ERP27: variants seen among roughly 807,000 people sequenced by gnomAD.
The protein encoded by ERP27 is endoplasmic reticulum protein 27.
In ERP27, 23 loss-of-function variants were observed where a neutral mutation model predicts 27.7. The observed-to-expected ratio is 0.83, with a 90% CI of 0.60 to 1.18. ERP27 has a LOEUF of 1.18. ERP27 is among the 50% of genes most tolerant of loss of function. The pLI, the probability that ERP27 is intolerant of heterozygous loss-of-function variation, is 0.00. For synonymous variants in ERP27, 159 were observed against 118.3 expected, an observed-to-expected ratio of 1.34 and a Z score of -2.23; for missense variants, 363 against 327.9, an observed-to-expected ratio of 1.11 and a Z score of -0.83.
At chr12:14,922,841 C>T (rs963829704) in intron 3 of ERP27, among the ~76,000 whole-genome samples, 7 of 152,058 alleles carry the variant, frequency 4.6e-5, no homozygotes, top group African/African-American at 1.7e-4. Flanking sequence ...TTTGAGAGGC[C>T]GAGGCCAGCG....
chr12:14,926,452 G>A (rs1341722733), intron 3 of ERP27, among the ~76,000 whole-genome samples: 2 of 152,276 alleles, frequency 1.3e-5, no homozygotes, highest in African/African-American at 2.4e-5. Flanking sequence ...AATTACTGGT[G>A]TATTTAATTA....
At chr12:14,916,405 A>G (rs1863412421) in intron 5 of ERP27, among the ~76,000 whole-genome samples, 1 of 152,152 alleles carries the variant, frequency 6.6e-6, no homozygotes, top group South Asian at 2.1e-4. Context: ...CAGTTTTCTC[A>G]TTGGCAAAAT....
intron 2 of ERP27, among the ~76,000 whole-genome samples, chr12:14,937,098 C>T (rs1863784468): frequency 6.6e-6 from 1 of 152,196 alleles, no homozygotes; most frequent in Non-Finnish European, 1.5e-5. Flanking sequence ...TTGCCCCTTC[C>T]CCATCTTTCT....
chr12:14,915,607 A>T lies in ERP27; in HGVS notation c.656T>A (p.Leu219Gln), dbSNP rs1267219905. The change falls in exon 6 of 7, where the codon CTG becomes CAG. Residue 219 changes from leucine (L) to glutamine (Q), a missense_variant. Transcript: ENST00000266397. ...AGTCTGGTAAATTGCCAAAGCTGGCAGTTGAGACTCCTTTAGTTTGAAAAA... is the reference window on the plus strand; with the variant it reads ...AGTCTGGTAAATTGCCAAAGCTGGCTGTTGAGACTCCTTTAGTTTGAAAAA... ...ISFFKLKESQLPALAIYQTLD... is the reference protein window; with the variant it reads ...ISFFKLKESQQPALAIYQTLD... 1.2e-6 allele frequency: 2 copies of T among 1,614,104 alleles called. No homozygotes were observed. The highest frequency in any genetic ancestry group is 1.7e-6 in the Non-Finnish European group (2 of 1,180,038).
intron 3 of ERP27, among the ~76,000 whole-genome samples, chr12:14,932,081 A>G (rs1863705671): frequency 6.6e-6 from 1 of 152,132 alleles, no homozygotes; most frequent in African/African-American, 2.4e-5. Flanking sequence ...TTTGGAGGTG[A>G]GTTTAGTTCC....
chr12:14,915,887 A>C, intron 5 of ERP27: 2 of 579,120 alleles, frequency 3.5e-6, no homozygotes, highest in South Asian at 2.3e-5. Flanking sequence ...ATGGGGCTGG[A>C]GGCTATTATC....
At position 14,914,579 on chromosome 12, in the gene ERP27, C is replaced by CGT. The variant is rs72336404; in HGVS notation, c.*154_*155dup. The CGT allele has an allele frequency of 0.032, 14,772 of 468,082 alleles. 760 individuals carry two copies. Among genetic ancestry groups the CGT allele is most frequent in the African/African-American group, 0.18 (8,078 of 45,634 alleles). 29.0% of individuals were successfully genotyped at this position (468,082 alleles called of 1,614,324 possible). A position where few individuals can be genotyped will look rare whatever the true frequency, so the allele number is the denominator to read the frequency against. ...AGCTCTGTGTGTGTGTGTGTGTGTG[C>CGT]GTGTGTGTGTGCACGCGTGCGTGCG... On this transcript the variant is annotated 3_prime_UTR_variant, in exon 7 of 7. Coordinates refer to ENST00000266397, the MANE Select transcript of ERP27 (RefSeq NM_152321.4).
chr12:14,935,120 T>G, intron 2 of ERP27, 127 bp from the exon 3 acceptor site: 1 of 1,469,626 alleles, frequency 6.8e-7, no homozygotes, highest in Non-Finnish European at 9.0e-7. Flanking sequence ...CAGTAACACA[T>G]GATTTACCCC....
Position 14,938,034 on chromosome 12 carries a change from T to C in ERP27, c.113A>G (p.Gln38Arg), listed in dbSNP as rs758497257. 6 of 1,613,984 alleles carry C rather than the reference T, an allele frequency of 3.7e-6. No homozygotes were observed. Among genetic ancestry groups the C allele is most frequent in the Admixed American group, 1.7e-5 (1 of 60,002 alleles). Reference sequence around the variant, plus strand: ...GACATCTGTGAGCCACGTGGGTTCCTGGGCAGCACCAGGACCATCTAGAGA... The same window carrying C: ...GACATCTGTGAGCCACGTGGGTTCCCGGGCAGCACCAGGACCATCTAGAGA... ...EKSSDGPGAA[Q>R]EPTWLTDVPA... Residue 38 changes from glutamine (Q) to arginine (R), a missense_variant, in exon 2 of 7, where the codon CAG becomes CGG. Physicochemically the swap from Gln to Arg is conservative, Grantham distance 43. Coordinates refer to ENST00000266397, the MANE Select transcript of ERP27 (RefSeq NM_152321.4).
chr12:14,937,909 G>T lies in ERP27; in HGVS notation c.195+43C>A, dbSNP rs1427574870. ...TGGCTGCTGTGGTTCCCTTAAGGTA[G>T]AACATTTCTGGCTCTTGGGGGAATT... is the stretch of plus-strand genomic sequence containing the variant. On this transcript the variant is annotated intron_variant, in intron 2 of 6. Transcript: ENST00000266397. The T allele has an allele frequency of 4.5e-6, 7 of 1,564,928 alleles. No homozygotes were observed. The Admixed American group carries it at 6.7e-5, about 15-fold the overall frequency.
rs762653820 is a variant in ERP27, at chr12:14,934,951, G to A, written c.238C>T (p.Gln80Ter). ...PAVPILHSMV[Q>*]KFPGVSFGIS... ...CCAAATGACACGCCTGGGAATTTTT[G>A]CACCATGCTATGGAGTATGGGCACT... The change falls in exon 3 of 7, where the codon CAA (glutamine) becomes TAA (stop). Residue 80 changes from glutamine (Q) to a stop codon, truncating the protein, a stop_gained. Transcript: ENST00000266397. LOFTEE classifies it high-confidence loss of function. 1.2e-6 allele frequency: 2 copies of A among 1,614,118 alleles called. No individual in the cohort carries two copies. The highest frequency in any genetic ancestry group is 1.3e-5 in the African/African-American group (1 of 75,010).
intron 3 of ERP27, among the ~76,000 whole-genome samples, chr12:14,924,724 T>C (rs907765552): frequency 1.3e-5 from 2 of 152,160 alleles, no homozygotes; most frequent in African/African-American, 4.8e-5. Context: ...CCATCTTGAA[T>C]AGGGGATAGG....
At chr12:14,935,034 G>T (rs761016500) in intron 2 of ERP27, 41 bp from the exon 3 acceptor site, 1 of 1,596,494 alleles carries the variant, frequency 6.3e-7, no homozygotes, top group Non-Finnish European at 8.5e-7. Flanking sequence ...TGGTTATTTC[G>T]AAGGGCAGAG....
intron 3 of ERP27, among the ~76,000 whole-genome samples, chr12:14,929,874 A>C (rs1239832668): frequency 6.6e-6 from 1 of 152,180 alleles, no homozygotes; most frequent in Non-Finnish European, 1.5e-5. Flanking sequence ...CTGAGAAATC[A>C]TTTGTTAAAC....
At position 14,927,347 on chromosome 12, in the gene ERP27, GTA is replaced by G. The variant is rs371031188; in HGVS notation, c.334-6301_334-6300del. Among the ~76,000 whole-genome samples, 625 of 149,642 alleles carry G rather than the reference GTA, an allele frequency of 4.2e-3. 5 individuals are homozygous for G. Among genetic ancestry groups the G allele is most frequent in the Non-Finnish European group, 5.3e-3 (355 of 67,244 alleles). ...TGCGTGTGTGCATGTGTGTGTGTGT[GTA>G]TATATATATATATATCTAAAATCAC... On this transcript the variant is annotated intron_variant, in intron 3 of 6. Transcript: ENST00000266397.
intron 1 of ERP27, 52 bp from the exon 2 acceptor site, chr12:14,938,104 C>A: frequency 6.9e-7 from 1 of 1,449,306 alleles, no homozygotes; most frequent in Non-Finnish European, 9.7e-7. Context: ...AGAAGCAGCT[C>A]TAAATAATGA....
intron 3 of ERP27, 47 bp from the exon 4 acceptor site, chr12:14,921,095 A>G (rs762996201): frequency 4.0e-6 from 6 of 1,504,446 alleles, no homozygotes; most frequent in Non-Finnish European, 5.5e-6. Flanking sequence ...TCTTTTTTTC[A>G]TGTATTGATA....
At chr12:14,917,349 T>C in intron 4 of ERP27, 46 bp from the exon 5 acceptor site, 1 of 1,613,322 alleles carries the variant, frequency 6.2e-7, no homozygotes, top group South Asian at 1.1e-5. Context: ...CGAGAAAGAA[T>C]GCATTAGTAC....
At chr12:14,919,329 T>C (rs1021222356) in intron 4 of ERP27, among the ~76,000 whole-genome samples, 4 of 152,198 alleles carry the variant, frequency 2.6e-5, no homozygotes, top group Non-Finnish European at 1.5e-5. Context: ...ACGTCATTGC[T>C]CTGCGAAATG....
Sources: allele counts gnomAD v4.1 joint callset (sites outside exome capture counted in the v4.1 genomes callset), GRCh38; gene constraint gnomAD v4.1.1; transcripts MANE v1.5; gene names NCBI Gene and HGNC (gene_info 2026-07-23, HGNC 2026-07-21).